The following OLA1 variants were observed in gnomAD, a reference collection of about 807,000 sequenced individuals.
OLA1 encodes the protein obg-like ATPase 1.
Under a neutral mutation model 48.4 loss-of-function variants are expected in OLA1, and 14 were observed. The observed-to-expected ratio is 0.29, with a 90% CI of 0.19 to 0.45. OLA1 has a LOEUF of 0.45. Ranked by LOEUF, OLA1 falls within the 20% of genes least tolerant of loss-of-function variation. OLA1 has a pLI of 1.00. For synonymous variants in OLA1, 127 were observed against 150.4 expected (o/e 0.84, Z 1.14); for missense variants, 325 against 467.1 (o/e 0.70, Z 2.80).
intron 7 of OLA1, among the ~76,000 whole-genome samples, chr2:174,087,174 C>A (rs1685000824): frequency 6.6e-6 from 1 of 151,880 alleles, no homozygotes; most frequent in African/African-American, 2.4e-5. Context: ...TTACAGGTGC[C>A]CGCCACCACA....
chr2:174,238,185 T>C (rs1450538121), intron 2 of OLA1, among the ~76,000 whole-genome samples: 4 of 152,156 alleles, frequency 2.6e-5, no homozygotes, highest in Non-Finnish European at 5.9e-5. Flanking sequence ...AAGATGTCAA[T>C]ATTCTTAGCC....
intron 5 of OLA1, among the ~76,000 whole-genome samples, chr2:174,134,829 A>G (rs1195384425): frequency 6.6e-6 from 1 of 152,216 alleles, no homozygotes; most frequent in Non-Finnish European, 1.5e-5. Flanking sequence ...AAGGAACAAG[A>G]AACTTTTGCT....
chr2:174,203,376 A>G (rs1688031859), intron 4 of OLA1, among the ~76,000 whole-genome samples: 1 of 152,178 alleles, frequency 6.6e-6, no homozygotes. Flanking sequence ...GATTAACTGC[A>G]ACACCCTGCC....
intron 4 of OLA1, among the ~76,000 whole-genome samples, chr2:174,157,979 G>A (rs1243358105): frequency 6.6e-6 from 1 of 152,120 alleles, no homozygotes; most frequent in Non-Finnish European, 1.5e-5. Flanking sequence ...TGAAGGACAA[G>A]CAAGCAACCA....
At chr2:174,161,709 CACACACAT>C (rs979200711) in intron 4 of OLA1, among the ~76,000 whole-genome samples, 2 of 149,972 alleles carry the variant, frequency 1.3e-5, no homozygotes, top group East Asian at 1.9e-4. Flanking sequence ...CACACACACA[CACACACAT>C]AGATAGATAG....
At position 174,073,352 on chromosome 2, in the gene OLA1, C is replaced by T. The variant is rs1431753578; in HGVS notation, c.*2074G>A. 3 of 151,786 alleles carry T rather than the reference C, an allele frequency of 2.0e-5. No individual in the cohort carries two copies. The highest frequency in any genetic ancestry group is 2.9e-5 in the Non-Finnish European group (2 of 67,974). The allele number at this position is 151,786 out of a possible 1,614,324, so 9.4% of individuals were successfully genotyped here. ...ATTAAGATGGAGCTACAGATACATG[C>T]AAAAATATTTACATAACATCCTAAA... On this transcript the variant is annotated 3_prime_UTR_variant, in exon 11 of 11. Transcript: ENST00000284719.
chr2:174,173,540 TAA>T (rs151078615), intron 4 of OLA1, among the ~76,000 whole-genome samples: 7,284 of 152,220 alleles, frequency 0.048, 606 homozygotes, highest in African/African-American at 0.17. Flanking sequence ...AAATCTGTGA[TAA>T]AAGTTTACAA....
chr2:174,144,801 A>C (rs2105382879), intron 4 of OLA1, among the ~76,000 whole-genome samples: 1 of 151,182 alleles, frequency 6.6e-6, no homozygotes, highest in South Asian at 2.1e-4. Flanking sequence ...TAAAAAAATT[A>C]GCCACGCATG....
chr2:174,222,459 A>G (rs1368076602), intron 4 of OLA1, among the ~76,000 whole-genome samples: 2 of 151,946 alleles, frequency 1.3e-5, no homozygotes, highest in Non-Finnish European at 2.9e-5. Context: ...CCTAAACTCT[A>G]TTTTGTCAGA....
chr2:174,216,894 G>A (rs533378056), intron 4 of OLA1, among the ~76,000 whole-genome samples: 1 of 152,154 alleles, frequency 6.6e-6, no homozygotes, highest in African/African-American at 2.4e-5. Flanking sequence ...TTTATTGTAA[G>A]AATATAGAAT....
chr2:174,194,211 A>C (rs1319811469), intron 4 of OLA1, among the ~76,000 whole-genome samples: 1 of 152,040 alleles, frequency 6.6e-6, no homozygotes, highest in Non-Finnish European at 1.5e-5. Context: ...ACTCTTTCCC[A>C]TTTCCCATCT....
At chr2:174,176,177 G>A (rs1162551327) in intron 4 of OLA1, among the ~76,000 whole-genome samples, 1 of 151,980 alleles carries the variant, frequency 6.6e-6, no homozygotes, top group Non-Finnish European at 1.5e-5. Context: ...TTTGTTACAT[G>A]TATATTTTAC....
intron 4 of OLA1, among the ~76,000 whole-genome samples, chr2:174,181,714 A>T (rs1276867628): frequency 1.3e-5 from 2 of 152,148 alleles, no homozygotes; most frequent in African/African-American, 4.8e-5. Flanking sequence ...CTGTTTACAA[A>T]TATTTACGTG....
chr2:174,163,751 T>TAAATAA (rs1687082759), intron 4 of OLA1, among the ~76,000 whole-genome samples: 1 of 42,944 alleles, frequency 2.3e-5, no homozygotes, highest in Non-Finnish European at 4.6e-5. Flanking sequence ...TATATATATA[T>TAAATAA]ATATATATAT....
intron 4 of OLA1, among the ~76,000 whole-genome samples, chr2:174,209,097 A>G (rs1688182589): frequency 6.6e-6 from 1 of 152,132 alleles, no homozygotes; most frequent in Non-Finnish European, 1.5e-5. Flanking sequence ...ATTTGAGACC[A>G]CCCTGGGCAA....
intron 7 of OLA1, among the ~76,000 whole-genome samples, chr2:174,109,982 G>C (rs1685608476): frequency 6.6e-6 from 1 of 151,830 alleles, no homozygotes; most frequent in South Asian, 2.1e-4. Flanking sequence ...GTAGACCCCA[G>C]TGTCTACTGT....
At chr2:174,182,911 C>T (rs2105415321) in intron 4 of OLA1, among the ~76,000 whole-genome samples, 1 of 152,278 alleles carries the variant, frequency 6.6e-6, no homozygotes, top group South Asian at 2.1e-4. Flanking sequence ...GGGAGTTAAA[C>T]TAAAAGTTTT....
chr2:174,076,170 C>T (rs1158621629), intron 10 of OLA1, among the ~76,000 whole-genome samples: 1 of 152,186 alleles, frequency 6.6e-6, no homozygotes, highest in East Asian at 1.9e-4. Context: ...ATTTCTTCCA[C>T]TTGTAAATTA....
At chr2:174,186,923 A>G (rs1687669192) in intron 4 of OLA1, among the ~76,000 whole-genome samples, 1 of 152,208 alleles carries the variant, frequency 6.6e-6, no homozygotes, top group South Asian at 2.1e-4. Context: ...CTCCATACCA[A>G]AAGTGATGAA....
Sources: allele counts gnomAD v4.1 joint callset (sites outside exome capture counted in the v4.1 genomes callset), GRCh38; gene constraint gnomAD v4.1.1; transcripts MANE v1.5; gene names NCBI Gene and HGNC (gene_info 2026-07-23, HGNC 2026-07-21).